LMCD1: variants seen among roughly 807,000 people sequenced by gnomAD.
The protein encoded by LMCD1 is LIM and cysteine-rich domains protein 1.
Under a neutral mutation model 42.7 loss-of-function variants are expected in LMCD1, and 32 were observed. The ratio of observed to expected loss-of-function variants is 0.75; its 90% CI spans 0.57 to 1.01. The LOEUF (loss-of-function observed/expected upper bound fraction) is 1.01, where lower values mean the gene tolerates loss of function less well. Ranked by LOEUF, LMCD1 falls within the 50% of genes least tolerant of loss-of-function variation. The pLI is 0.00. For missense variants in LMCD1, 458 were observed against 483.1 expected (o/e 0.95, Z 0.49); for synonymous variants, 178 against 184.9 (o/e 0.96, Z 0.30).
chr3:8,529,187 C>A (rs1694356877), intron 1 of LMCD1, among the ~76,000 whole-genome samples: 1 of 152,162 alleles, frequency 6.6e-6, no homozygotes, highest in African/African-American at 2.4e-5. Context: ...CCTCAGTAAA[C>A]AAGATCGTTC....
chr3:8,537,592 A>C, intron 3 of LMCD1, 152 bp downstream of exon 3: 9 of 808,992 alleles, frequency 1.1e-5, no homozygotes, highest in Non-Finnish European at 1.7e-5. Context: ...CCCTTATATC[A>C]TGTGATGTTG....
At chr3:8,507,655 C>T (rs1456647062) in intron 1 of LMCD1, among the ~76,000 whole-genome samples, 1 of 152,196 alleles carries the variant, frequency 6.6e-6, no homozygotes, top group South Asian at 2.1e-4. Context: ...TGTGTGTTAG[C>T]TCTTTAGCTT....
chr3:8,522,026 C>T (rs1156993533), intron 1 of LMCD1, among the ~76,000 whole-genome samples: 1 of 151,926 alleles, frequency 6.6e-6, no homozygotes. Context: ...CTTTCATGGC[C>T]CAGGGTCTGG....
chr3:8,551,629 T>G (rs1694840051), intron 4 of LMCD1, among the ~76,000 whole-genome samples: 1 of 152,202 alleles, frequency 6.6e-6, no homozygotes, highest in African/African-American at 2.4e-5. Context: ...TTTAACTCCC[T>G]TTTTACCTCC....
At chr3:8,525,400 G>A (rs530013187) in intron 1 of LMCD1, among the ~76,000 whole-genome samples, 172 of 151,820 alleles carry the variant, frequency 1.1e-3, no homozygotes, top group Non-Finnish European at 1.6e-3. Context: ...TTATTCCATT[G>A]TGTGTGTGTG....
chr3:8,537,682 T>G (rs1694538483), intron 3 of LMCD1, among the ~76,000 whole-genome samples: 1 of 152,166 alleles, frequency 6.6e-6, no homozygotes, highest in Non-Finnish European at 1.5e-5. Flanking sequence ...CAAGAGGCCT[T>G]GCAGCTCTAG....
intron 3 of LMCD1, among the ~76,000 whole-genome samples, chr3:8,547,756 G>T (rs1574968294): frequency 9.0e-6 from 1 of 110,900 alleles, no homozygotes; most frequent in African/African-American, 3.3e-5. Flanking sequence ...AGCAGTGGCG[G>T]GCACCTGTAG....
At chr3:8,551,404 C>A in intron 4 of LMCD1, 1 of 903,744 alleles carries the variant, frequency 1.1e-6, no homozygotes, top group Non-Finnish European at 1.3e-6. Context: ...CTCACACTGT[C>A]AGGGTCTATC....
chr3:8,515,149 G>A (rs1694076262), intron 1 of LMCD1, among the ~76,000 whole-genome samples: 1 of 152,180 alleles, frequency 6.6e-6, no homozygotes, highest in Non-Finnish European at 1.5e-5. Flanking sequence ...CACGTTAGGG[G>A]AGAACTTTGT....
intron 4 of LMCD1, chr3:8,551,046 A>G: frequency 1.0e-6 from 1 of 985,456 alleles, no homozygotes; most frequent in South Asian, 4.7e-5. Context: ...AAAAGGCCAA[A>G]GTCAGAAAAT....
intron 3 of LMCD1, among the ~76,000 whole-genome samples, chr3:8,539,051 A>T (rs1386091832): frequency 2.0e-5 from 3 of 152,226 alleles, no homozygotes; most frequent in Non-Finnish European, 4.4e-5. Flanking sequence ...CTCATATCAG[A>T]ACAGAATTCC....
At chr3:8,552,103 C>T (rs943963284) in intron 4 of LMCD1, among the ~76,000 whole-genome samples, 6 of 152,126 alleles carry the variant, frequency 3.9e-5, no homozygotes, top group African/African-American at 7.2e-5. Flanking sequence ...TAATCGTGTT[C>T]GTTGTGTTTG....
intron 4 of LMCD1, among the ~76,000 whole-genome samples, chr3:8,560,220 T>G (rs1695008482): frequency 7.1e-6 from 1 of 141,386 alleles, no homozygotes; most frequent in African/African-American, 2.8e-5. Context: ...CGTAACATAG[T>G]GGGACCCCAT....
At chr3:8,557,657 A>G (rs2125037194) in intron 4 of LMCD1, among the ~76,000 whole-genome samples, 1 of 152,298 alleles carries the variant, frequency 6.6e-6, no homozygotes, top group South Asian at 2.1e-4. Context: ...GTTGCCTAAA[A>G]CACTTTGTGT....
At chr3:8,531,029 T>C (rs1694401982) in intron 1 of LMCD1, among the ~76,000 whole-genome samples, 1 of 152,194 alleles carries the variant, frequency 6.6e-6, no homozygotes, top group African/African-American at 2.4e-5. Context: ...AGTCACCAAA[T>C]AGAAGGCATG....
chr3:8,541,594 C>T (rs1694628352), intron 3 of LMCD1, among the ~76,000 whole-genome samples: 1 of 152,176 alleles, frequency 6.6e-6, no homozygotes, highest in African/African-American at 2.4e-5. Flanking sequence ...AAACATAAAA[C>T]CTAAACCAAC....
chr3:8,515,399 T>G (rs1694079367), intron 1 of LMCD1, among the ~76,000 whole-genome samples: 1 of 152,190 alleles, frequency 6.6e-6, no homozygotes, highest in Admixed American at 6.5e-5. Flanking sequence ...AAACCATCAG[T>G]TCTGACTAAG....
intron 1 of LMCD1, among the ~76,000 whole-genome samples, chr3:8,527,394 T>C (rs1249514169): frequency 6.6e-6 from 1 of 152,224 alleles, no homozygotes; most frequent in Non-Finnish European, 1.5e-5. Context: ...ATAATGATGA[T>C]AATAATTATA....
intron 1 of LMCD1, among the ~76,000 whole-genome samples, chr3:8,503,359 G>T (rs1329454589): frequency 6.6e-6 from 1 of 152,108 alleles, no homozygotes; most frequent in Non-Finnish European, 1.5e-5. Context: ...CTAAATGTGG[G>T]TACCAAGTCA....
Sources: allele counts gnomAD v4.1 joint callset (sites outside exome capture counted in the v4.1 genomes callset), GRCh38; gene constraint gnomAD v4.1.1; transcripts MANE v1.5; gene names NCBI Gene and HGNC (gene_info 2026-07-23, HGNC 2026-07-21).